The following STK3 variants were observed in gnomAD, a reference collection of about 807,000 sequenced individuals.
The protein encoded by STK3 is serine/threonine-protein kinase 3.
STK3 carries 41 observed loss-of-function variants against 58.0 expected under a neutral mutation model. That is an observed-to-expected ratio of 0.71 (90% CI 0.55 to 0.92). The LOEUF (loss-of-function observed/expected upper bound fraction) is 0.92, where lower values mean the gene tolerates loss of function less well. STK3 is among the 40% of genes least tolerant of loss of function. STK3 has a pLI of 0.00. For synonymous variants in STK3, 170 were observed against 191.0 expected, an observed-to-expected ratio of 0.89 and a Z score of 0.91; for missense variants, 479 against 602.7, an observed-to-expected ratio of 0.79 and a Z score of 2.15.
chr8:98,667,194 C>T (rs969740853), intron 6 of STK3, among the ~76,000 whole-genome samples: 2 of 152,122 alleles, frequency 1.3e-5, no homozygotes, highest in African/African-American at 4.8e-5. Flanking sequence ...GTCCTAAACT[C>T]TTTTACTCCA....
chr8:98,853,176 A>C (rs532275181), intron 3 of STK3, among the ~76,000 whole-genome samples: 2 of 152,124 alleles, frequency 1.3e-5, no homozygotes, highest in African/African-American at 4.8e-5. Context: ...GTATGACTTG[A>C]GCAGGTTGTA....
rs533657841 is a variant in STK3, at chr8:98,893,442, G to C, written c.-78-9608C>G. On this transcript the variant is annotated intron_variant, in intron 1 of 1. Coordinates refer to the STK3 transcript ENST00000519420. ...GGAAGGAAAGAAAGAAAGAAAGAAAGAAAGAAAGAAAGAAAGAAAGAAAGA... is the reference window on the plus strand; with the variant it reads ...GGAAGGAAAGAAAGAAAGAAAGAAACAAAGAAAGAAAGAAAGAAAGAAAGA... 2.6e-3 allele frequency among the ~76,000 whole-genome samples: 203 copies of C among 78,048 alleles called. 3 individuals are homozygous for C. The highest frequency in any genetic ancestry group is 0.011 in the African/African-American group (178 of 15,792). The allele number at this position is 78,048 out of a possible 152,430, so 51.2% of individuals were successfully genotyped here. A position where few individuals can be genotyped will look rare whatever the true frequency, so the allele number is the denominator to read the frequency against.
At chr8:98,714,061 C>T (rs1228601925) in intron 4 of STK3, among the ~76,000 whole-genome samples, 2 of 152,020 alleles carry the variant, frequency 1.3e-5, no homozygotes, top group East Asian at 3.8e-4. Context: ...GCAGAAAAGG[C>T]CTTTGACAAA....
Position 98,420,627 on chromosome 8 carries a change from T to C in STK3, n.483+13500A>G, listed in dbSNP as rs936055045. Among the ~76,000 whole-genome samples, 15 of 152,144 alleles carry C rather than the reference T, an allele frequency of 9.9e-5. 1 individual carries two copies. The highest frequency in any genetic ancestry group is 9.2e-4 in the Admixed American group (14 of 15,276). On this transcript the variant is annotated intron_variant and non_coding_transcript_variant, in intron 3 of 3. Transcript: ENST00000517832. ...ACAGCAATTAGCCTACCCTAATTGG[T>C]CCTGCACCTACTTGAGACAGTTAAG...
intron 3 of STK3, among the ~76,000 whole-genome samples, chr8:98,858,671 A>T (rs1165700412): frequency 6.6e-6 from 1 of 151,760 alleles, no homozygotes; most frequent in Non-Finnish European, 1.5e-5. Context: ...AGGCGGGTGG[A>T]TCAAAAGGTC....
Position 98,455,831 on chromosome 8 carries a change from G to A in STK3, c.*11C>T, listed in dbSNP as rs544285472. On this transcript the variant is annotated 3_prime_UTR_variant, in exon 11 of 11. Coordinates refer to ENST00000419617, the MANE Select transcript of STK3 (RefSeq NM_006281.4). The stretch of plus-strand genomic sequence containing the variant: ...TCTCCAGAATAGTTAAAAACAGAGA[G>A]GAAATTAGACTCAAAAGTTTTGCTG... 44 of 1,613,132 alleles carry A rather than the reference G, an allele frequency of 2.7e-5. No individual in the cohort carries two copies. In the East Asian group the frequency reaches 7.4e-4, roughly 27 times the overall value.
At chr8:98,728,270 A>T (rs1031738094) in intron 4 of STK3, among the ~76,000 whole-genome samples, 1 of 152,222 alleles carries the variant, frequency 6.6e-6, no homozygotes, top group Non-Finnish European at 1.5e-5. Context: ...CAATAAAAAA[A>T]GTTATGGAAT....
chr8:98,448,796 G>C (rs1819067047), intron 1 of STK3, among the ~76,000 whole-genome samples: 1 of 152,108 alleles, frequency 6.6e-6, no homozygotes, highest in South Asian at 2.1e-4. Flanking sequence ...ACATAGATTT[G>C]TAATTTTTGG....
chr8:98,564,831 A>C (rs757068270), intron 8 of STK3, among the ~76,000 whole-genome samples: 4 of 152,126 alleles, frequency 2.6e-5, no homozygotes, highest in Non-Finnish European at 5.9e-5. Flanking sequence ...TGGGTCCTAA[A>C]ACACAAAAAG....
intron 8 of STK3, 54 bp from the exon 9 acceptor site, chr8:98,548,215 T>C (rs1417841013): frequency 7.6e-7 from 1 of 1,321,272 alleles, no homozygotes; most frequent in African/African-American, 1.5e-5. Flanking sequence ...GCTGGATTTC[T>C]TAATTCTTAA....
At chr8:98,405,746 C>T (rs1400335034) in intron 3 of STK3, among the ~76,000 whole-genome samples, 1 of 152,170 alleles carries the variant, frequency 6.6e-6, no homozygotes, top group East Asian at 1.9e-4. Context: ...GGAAGCCTCA[C>T]AATCATGGCA....
At chr8:98,557,406 C>A (rs1811681654) in intron 8 of STK3, among the ~76,000 whole-genome samples, 1 of 152,046 alleles carries the variant, frequency 6.6e-6, no homozygotes, top group Admixed American at 6.6e-5. Context: ...GTACTTCCAA[C>A]TCTGGTAAAG....
upstream of STK3, among the ~76,000 whole-genome samples, chr8:98,826,033 GCCCCGT>G (rs1374812240): frequency 3.3e-5 from 5 of 151,900 alleles, no homozygotes; most frequent in South Asian, 1.0e-3. Flanking sequence ...TGGCCCCAGA[GCCCCGT>G]GACCGGGAAA....
chr8:98,859,949 C>T (rs1432991885), intron 3 of STK3, among the ~76,000 whole-genome samples: 1 of 152,184 alleles, frequency 6.6e-6, no homozygotes, highest in Admixed American at 6.6e-5. Context: ...AGAAATAAAA[C>T]TATTGCAATA....
Position 98,869,693 on chromosome 8 carries a change from CTTTTA to C in STK3, c.110+13949_110+13953del, listed in dbSNP as rs768557310. ...CAAAGTGAGCACCGTCCTGCCAAAT[CTTTTA>C]TTTTATTTTTTTAAAATTTGAATCC... On this transcript the variant is annotated intron_variant, in intron 3 of 12. Transcript: ENST00000523601. Among the ~76,000 whole-genome samples, 10 of 151,836 alleles carry C rather than the reference CTTTTA, an allele frequency of 6.6e-5. 1 individual carries two copies. The highest frequency in any genetic ancestry group is 1.3e-4 in the Admixed American group (2 of 15,246).
chr8:98,385,919 G>A (rs113835390), intron 1 of STK3, among the ~76,000 whole-genome samples: 4,300 of 152,170 alleles, frequency 0.028, 196 homozygotes, highest in African/African-American at 0.095. Flanking sequence ...ATGCTTTCAT[G>A]GGTTCAGAGA....
chr8:98,806,826 C>T (rs748348931), intron 1 of STK3, among the ~76,000 whole-genome samples: 2 of 152,022 alleles, frequency 1.3e-5, no homozygotes, highest in Admixed American at 6.6e-5. Flanking sequence ...AAAGTGACAA[C>T]GCCAATTAGT....
chr8:98,803,287 G>A (rs761862900), intron 1 of STK3, among the ~76,000 whole-genome samples: 3 of 151,936 alleles, frequency 2.0e-5, no homozygotes, highest in African/African-American at 4.8e-5. Flanking sequence ...AACTGGCCAC[G>A]GCAATCAGAA....
At chr8:98,526,549 A>T (rs1825754730) in intron 10 of STK3, 193 bp downstream of exon 10, 1 of 397,418 alleles carries the variant, frequency 2.5e-6, no homozygotes, top group Non-Finnish European at 4.3e-6. Context: ...TTTCTCTGCA[A>T]GTACATTTCT....
Sources: gnomAD v4.1 joint callset for allele counts (sites outside exome capture counted in the v4.1 genomes callset) on GRCh38, gnomAD v4.1.1 for gene constraint, MANE v1.5 for transcripts, NCBI Gene and HGNC (gene_info 2026-07-23, HGNC 2026-07-21) for gene names.